NCAM2: variants seen among roughly 807,000 people sequenced by gnomAD.
NCAM2 encodes the protein N-CAM-2.
Under a neutral mutation model 98.1 loss-of-function variants are expected in NCAM2, and 30 were observed. That is an observed-to-expected ratio of 0.31 (90% CI 0.23 to 0.41). NCAM2 has a LOEUF of 0.41. NCAM2 is among the 10% of genes least tolerant of loss of function. NCAM2 has a pLI of 1.00. For synonymous variants in NCAM2, 368 were observed against 342.4 expected, an observed-to-expected ratio of 1.07 and a Z score of -0.83; for missense variants, 867 against 1,005.8, an observed-to-expected ratio of 0.86 and a Z score of 1.87.
chr21:21,242,112 A>T lies in NCAM2; in HGVS notation c.56-38466A>T, dbSNP rs564105417. 3.3e-5 allele frequency among the ~76,000 whole-genome samples: 5 copies of T among 152,304 alleles called. No individual in the cohort carries two copies. In the South Asian group the frequency reaches 8.3e-4, roughly 25 times the overall value. ...AAGTGGTGAAATACAAATTTGATAT[A>T]TACAAAGTACATCGACAAATGTTTA... On this transcript the variant is annotated intron_variant, in intron 1 of 17. Coordinates refer to ENST00000400546, the MANE Select transcript of NCAM2 (RefSeq NM_004540.5).
rs1385056763 is a variant in NCAM2 at position 21,541,693 on chromosome 21, A to G, written c.*3736A>G. On this transcript the variant is annotated 3_prime_UTR_variant, in exon 18 of 18. Transcript: ENST00000400546. ...TGACGAAAATATGTACAGTTCAAGA[A>G]GTAGAAATAATATTTTCCATTAGTT... The G allele has an allele frequency of 6.6e-6, 1 of 151,790 alleles. No individual in the cohort carries two copies. Among genetic ancestry groups the G allele is most frequent in the Non-Finnish European group, 1.5e-5 (1 of 67,760 alleles). The allele number at this position is 151,790 out of a possible 1,614,324, so 9.4% of individuals were successfully genotyped here.
At chr21:21,503,174 G>A (rs1157669475) in intron 15 of NCAM2, among the ~76,000 whole-genome samples, 4 of 151,830 alleles carry the variant, frequency 2.6e-5, no homozygotes, top group African/African-American at 7.2e-5. Flanking sequence ...ACCTTTGATC[G>A]TACTTAACCC....
chr21:21,488,548 C>T (rs1013999934), intron 15 of NCAM2, among the ~76,000 whole-genome samples: 2 of 151,740 alleles, frequency 1.3e-5, no homozygotes, highest in African/African-American at 4.8e-5. Context: ...CTTAAAATTA[C>T]AAATTATTTT....
intron 16 of NCAM2, among the ~76,000 whole-genome samples, chr21:21,510,670 C>T (rs560624711): frequency 6.6e-6 from 1 of 151,854 alleles, no homozygotes; most frequent in East Asian, 1.9e-4. Flanking sequence ...AAGGATAATT[C>T]TTTTATTTGA....
At chr21:21,384,405 A>C (rs2076220010) in intron 9 of NCAM2, among the ~76,000 whole-genome samples, 1 of 151,860 alleles carries the variant, frequency 6.6e-6, no homozygotes, top group East Asian at 1.9e-4. Flanking sequence ...AGTCTCTAGC[A>C]GTCTAGTTTC....
At chr21:21,489,620 G>A (rs533502176) in intron 15 of NCAM2, among the ~76,000 whole-genome samples, 43 of 152,222 alleles carry the variant, frequency 2.8e-4, no homozygotes, top group African/African-American at 9.9e-4. Flanking sequence ...TGGATAGATA[G>A]CTGAAATCTG....
chr21:20,998,604 T>G lies in NCAM2; in HGVS notation c.41T>G (p.Val14Gly), dbSNP rs747068971. ...LLSFYLLGLL[V>G]SSGQALLQVT... ...TCCTTCTACCTGCTGGGGTTGCTTG[T>G]CAGTAGCGGGCAAGGTAGGAGTGTG... The change falls in exon 1 of 18, where the codon GTC becomes GGC. Residue 14 changes from valine to glycine, a missense_variant. Coordinates refer to ENST00000400546, the MANE Select transcript of NCAM2 (RefSeq NM_004540.5). 8.7e-6 allele frequency: 14 copies of G among 1,613,960 alleles called. No individual in the cohort carries two copies. In the South Asian group the frequency reaches 1.5e-4, roughly 18 times the overall value.
chr21:21,438,966 G>A (rs1036872594), intron 12 of NCAM2, among the ~76,000 whole-genome samples: 1 of 151,980 alleles, frequency 6.6e-6, no homozygotes, highest in Admixed American at 6.6e-5. Context: ...TGGGCCAGTA[G>A]TCTCAGCTAC....
rs1409709166 is a variant in NCAM2, at chr21:21,477,149, C to T, written c.1897-142C>T. 27 of 500,662 alleles carry T rather than the reference C, an allele frequency of 5.4e-5. No homozygotes were observed. The East Asian group carries it at 9.0e-4, about 17-fold the overall frequency. 31.0% of individuals were successfully genotyped at this position (500,662 alleles called of 1,614,324 possible). A position where few individuals can be genotyped will look rare whatever the true frequency, so the allele number is the denominator to read the frequency against. ...AATAATACTGGCTTCATTGACACAG[C>T]AACTTCATGTATCCCTGTGCCTATG... On this transcript the variant is annotated intron_variant, in intron 14 of 17. Coordinates refer to ENST00000400546, the MANE Select transcript of NCAM2 (RefSeq NM_004540.5).
chr21:21,529,383 G>T (rs757681035), intron 16 of NCAM2, among the ~76,000 whole-genome samples: 2 of 151,928 alleles, frequency 1.3e-5, no homozygotes, highest in Non-Finnish European at 2.9e-5. Flanking sequence ...GTTTTATTTG[G>T]ATTATTTTTG....
chr21:21,176,175 A>C (rs777686880), intron 1 of NCAM2, among the ~76,000 whole-genome samples: 50 of 152,182 alleles, frequency 3.3e-4, no homozygotes, highest in Non-Finnish European at 8.8e-5. Context: ...GAATTATTGG[A>C]AGCACTAGGC....
At chr21:21,328,912 C>T (rs1212695155) in intron 6 of NCAM2, among the ~76,000 whole-genome samples, 2 of 151,838 alleles carry the variant, frequency 1.3e-5, no homozygotes, top group African/African-American at 4.8e-5. Flanking sequence ...CTGGAAGCTC[C>T]ATTTACAACA....
chr21:21,428,940 A>C (rs2077271240), intron 11 of NCAM2, among the ~76,000 whole-genome samples: 1 of 152,228 alleles, frequency 6.6e-6, no homozygotes, highest in Admixed American at 6.5e-5. Flanking sequence ...ATCTGTATGC[A>C]TGTATAAATA....
At chr21:21,430,994 G>A (rs1186777772) in intron 11 of NCAM2, among the ~76,000 whole-genome samples, 1 of 143,046 alleles carries the variant, frequency 7.0e-6, no homozygotes, top group Non-Finnish European at 1.5e-5. Flanking sequence ...GTTGCAGTGA[G>A]CTGAGATCAC....
chr21:21,187,875 T>C (rs548757321), intron 1 of NCAM2, among the ~76,000 whole-genome samples: 62 of 152,328 alleles, frequency 4.1e-4, no homozygotes, highest in African/African-American at 1.4e-3. Flanking sequence ...CTAAATAGTG[T>C]GTCTGAACTT....
intron 1 of NCAM2, among the ~76,000 whole-genome samples, chr21:21,053,989 T>TA (rs1028623985): frequency 2.0e-5 from 3 of 151,866 alleles, no homozygotes; most frequent in African/African-American, 7.2e-5. Flanking sequence ...TGGTATGTGT[T>TA]ATGATTTCCG....
chr21:21,170,688 C>T (rs576038225), intron 1 of NCAM2, among the ~76,000 whole-genome samples: 1 of 152,144 alleles, frequency 6.6e-6, no homozygotes, highest in Non-Finnish European at 1.5e-5. Context: ...GGTGGAAACA[C>T]ATGTCATTAC....
rs548663074 is a variant in NCAM2, at chr21:21,224,017, T to G, written c.56-56561T>G. Among the ~76,000 whole-genome samples the G allele has an allele frequency of 3.9e-5, 6 of 152,220 alleles. No homozygotes were observed. The South Asian group carries it at 1.2e-3, about 32-fold the overall frequency. ...AGGTGGGGAGTGGGAGGCCCAGAGC[T>G]CTCTAGAACATTTATTATCATTGCG... On this transcript the variant is annotated intron_variant, in intron 1 of 17. Transcript: ENST00000400546.
chr21:21,451,785 C>T (rs1257681803), intron 12 of NCAM2, among the ~76,000 whole-genome samples: 6 of 151,992 alleles, frequency 3.9e-5, no homozygotes, highest in African/African-American at 9.7e-5. Context: ...GGCTTCATGA[C>T]GCTGCTTCAA....
Sources: allele counts gnomAD v4.1 joint callset (sites outside exome capture counted in the v4.1 genomes callset), GRCh38; gene constraint gnomAD v4.1.1; transcripts MANE v1.5; gene names NCBI Gene and HGNC (gene_info 2026-07-23, HGNC 2026-07-21).